TOX: variants seen among roughly 807,000 people sequenced by gnomAD.
The protein encoded by TOX is thymocyte selection-associated high mobility group box protein TOX.
TOX carries 11 observed loss-of-function variants against 53.7 expected under a neutral mutation model. That is an observed-to-expected ratio of 0.20 (90% CI 0.13 to 0.34). The LOEUF is 0.34. TOX is among the 10% of genes least tolerant of loss of function. The pLI, the probability that TOX is intolerant of heterozygous loss-of-function variation, is 1.00. For synonymous variants in TOX, 225 were observed against 245.3 expected, an observed-to-expected ratio of 0.92 and a Z score of 0.77; for missense variants, 570 against 664.6, an observed-to-expected ratio of 0.86 and a Z score of 1.56.
intron 3 of TOX, among the ~76,000 whole-genome samples, chr8:58,869,335 T>A (rs2129169824): frequency 6.6e-6 from 1 of 151,910 alleles, no homozygotes; most frequent in East Asian, 1.9e-4. Context: ...CAACAACTAC[T>A]AAAACTCATA....
At chr8:58,884,092 A>C (rs1322417217) in intron 3 of TOX, among the ~76,000 whole-genome samples, 1 of 152,188 alleles carries the variant, frequency 6.6e-6, no homozygotes, top group East Asian at 1.9e-4. Context: ...AGCAGAAAGA[A>C]AGAAAACACC....
rs67045037 is a variant in TOX at position 58,965,894 on chromosome 8, G to GTTTTTTTTTTT, written c.103-5897_103-5887dup. Among the ~76,000 whole-genome samples, 22 of 49,628 alleles carry GTTTTTTTTTTT rather than the reference G, an allele frequency of 4.4e-4. 7 individuals carry two copies. Among genetic ancestry groups the GTTTTTTTTTTT allele is most frequent in the African/African-American group, 1.1e-3 (15 of 13,052 alleles). 32.6% of individuals were successfully genotyped at this position (49,628 alleles called of 152,430 possible). A position where few individuals can be genotyped will look rare whatever the true frequency, so the allele number is the denominator to read the frequency against. ...GCCCAGTATAAGATTACGAGTCATCGTTTTTTTTTTTTTTTTTTTTTTTTT... is the reference window on the plus strand; with the variant it reads ...GCCCAGTATAAGATTACGAGTCATCGTTTTTTTTTTTTTTTTTTTTTTTTTTTTTTTTTTTT... On this transcript the variant is annotated intron_variant, in intron 1 of 8. Coordinates refer to ENST00000361421, the MANE Select transcript of TOX (RefSeq NM_014729.3).
intron 1 of TOX, among the ~76,000 whole-genome samples, chr8:58,966,355 C>G (rs1812899542): frequency 6.6e-6 from 1 of 152,198 alleles, no homozygotes; most frequent in Non-Finnish European, 1.5e-5. Context: ...AGTTACTCTG[C>G]TAGTGCTTTT....
chr8:58,826,609 A>C (rs1377248345), intron 6 of TOX, among the ~76,000 whole-genome samples: 1 of 152,212 alleles, frequency 6.6e-6, no homozygotes, highest in African/African-American at 2.4e-5. Context: ...CAGGTGGACA[A>C]TATTTTAGAA....
chr8:59,075,961 C>T (rs572979192), intron 1 of TOX, among the ~76,000 whole-genome samples: 160 of 150,408 alleles, frequency 1.1e-3, no homozygotes, highest in Middle Eastern at 6.9e-3. Flanking sequence ...GCCCAGATCG[C>T]GCCATTGCAC....
chr8:59,025,390 T>G (rs980471445), intron 1 of TOX, among the ~76,000 whole-genome samples: 1 of 152,240 alleles, frequency 6.6e-6, no homozygotes, highest in East Asian at 1.9e-4. Context: ...GTACATCCAA[T>G]ATGAGACTGA....
chr8:59,116,724 A>T (rs1052609556), intron 1 of TOX, among the ~76,000 whole-genome samples: 19 of 152,294 alleles, frequency 1.2e-4, no homozygotes, highest in Non-Finnish European at 2.1e-4. Context: ...TTTGGATTTT[A>T]AAAAATCTAT....
intron 1 of TOX, among the ~76,000 whole-genome samples, chr8:59,046,579 C>T (rs1038790139): frequency 1.3e-5 from 2 of 151,984 alleles, no homozygotes; most frequent in African/African-American, 2.4e-5. Flanking sequence ...CACTCTAGGC[C>T]GGGGGTGGTG....
rs1383065008 is a variant in TOX at position 58,806,695 on chromosome 8, AAAT to A, written c.*1049_*1051del. On this transcript the variant is annotated 3_prime_UTR_variant, in exon 9 of 9. Transcript: ENST00000361421. Reference sequence around the variant, plus strand: ...CTTTATTCATGTTACTGTAAAAACTAAATAATAAAGTATTCACACCAAGCGTGA... The same window carrying A: ...CTTTATTCATGTTACTGTAAAAACTAAATAAAGTATTCACACCAAGCGTGA... The A allele has an allele frequency of 1.3e-5, 2 of 152,674 alleles. No homozygotes were observed. The highest frequency in any genetic ancestry group is 1.3e-4 in the Admixed American group (2 of 15,286). The allele number at this position is 152,674 out of a possible 1,614,324, so 9.5% of individuals were successfully genotyped here. A position where few individuals can be genotyped will look rare whatever the true frequency, so the allele number is the denominator to read the frequency against.
rs146440452 is a variant in TOX at position 58,896,400 on chromosome 8, C to T, written c.411+42902G>A. ...CACAACATTAAAAAAAATCCTGGCC[C>T]GGTGCAGTGGCTCACGCCTGTAATC... On this transcript the variant is annotated intron_variant, in intron 3 of 8. Coordinates refer to ENST00000361421, the MANE Select transcript of TOX (RefSeq NM_014729.3). 2.8e-3 allele frequency among the ~76,000 whole-genome samples: 427 copies of T among 152,148 alleles called. 2 individuals are homozygous for T. The highest frequency in any genetic ancestry group is 8.1e-3 in the African/African-American group (336 of 41,518).
At position 59,065,518 on chromosome 8, in the gene TOX, G is replaced by A. The variant is rs2129422224; in HGVS notation, c.102+53368C>T. Among the ~76,000 whole-genome samples the A allele has an allele frequency of 2.0e-5, 3 of 152,230 alleles. No individual in the cohort carries two copies. The South Asian group carries it at 6.2e-4, about 32-fold the overall frequency. Reference sequence around the variant, plus strand: ...TTATTACTTGCATATTCGAATTTAAGATTATTGGCTTATGTGAGATTAAAG... The same window carrying A: ...TTATTACTTGCATATTCGAATTTAAAATTATTGGCTTATGTGAGATTAAAG... On this transcript the variant is annotated intron_variant, in intron 1 of 8. Transcript: ENST00000361421.
intron 3 of TOX, among the ~76,000 whole-genome samples, chr8:58,923,228 C>G (rs1812101830): frequency 6.6e-6 from 1 of 152,024 alleles, no homozygotes; most frequent in African/African-American, 2.4e-5. Flanking sequence ...GGAGGCGAGG[C>G]CAGTTAGGAT....
chr8:58,811,628 C>T (rs1810077622), intron 7 of TOX, among the ~76,000 whole-genome samples: 1 of 152,158 alleles, frequency 6.6e-6, no homozygotes, highest in East Asian at 1.9e-4. Context: ...TTTTTTAAAC[C>T]TTTAAATTAC....
At chr8:59,001,036 C>T (rs527937266) in intron 1 of TOX, among the ~76,000 whole-genome samples, 8 of 152,154 alleles carry the variant, frequency 5.3e-5, no homozygotes, top group East Asian at 1.9e-4. Context: ...TGATAGCAAG[C>T]TTAGAACAAT....
intron 3 of TOX, among the ~76,000 whole-genome samples, chr8:58,890,758 T>A (rs925378963): frequency 1.3e-5 from 2 of 152,064 alleles, no homozygotes; most frequent in Non-Finnish European, 2.9e-5. Flanking sequence ...TCACCAAGCA[T>A]TTGAAGTCAT....
At chr8:58,931,188 C>T (rs1812247809) in intron 3 of TOX, among the ~76,000 whole-genome samples, 1 of 152,098 alleles carries the variant, frequency 6.6e-6, no homozygotes, top group South Asian at 2.1e-4. Context: ...TATCAGCAAT[C>T]AATGATGCTA....
chr8:58,914,725 T>C lies in TOX; in HGVS notation c.411+24577A>G, dbSNP rs112436255. On this transcript the variant is annotated intron_variant, in intron 3 of 8. Coordinates refer to ENST00000361421, the MANE Select transcript of TOX (RefSeq NM_014729.3). Reference sequence around the variant, plus strand: ...CAAGATGGCCGAATAGGAACAGCTCTGGTCTACAGCTCCCAGCGTGAGCGA... The same window carrying C: ...CAAGATGGCCGAATAGGAACAGCTCCGGTCTACAGCTCCCAGCGTGAGCGA... Among the ~76,000 whole-genome samples the C allele has an allele frequency of 6.3e-3, 962 of 152,194 alleles. 13 individuals are homozygous for C. Among genetic ancestry groups the C allele is most frequent in the African/African-American group, 0.022 (921 of 41,556 alleles).
At chr8:59,013,653 C>A (rs1813955653) in intron 1 of TOX, among the ~76,000 whole-genome samples, 1 of 152,214 alleles carries the variant, frequency 6.6e-6, no homozygotes, top group Non-Finnish European at 1.5e-5. Context: ...TCGTGATCCG[C>A]CCGCTCCGGC....
chr8:59,096,967 A>G (rs893643957), intron 1 of TOX, among the ~76,000 whole-genome samples: 5 of 152,178 alleles, frequency 3.3e-5, no homozygotes, highest in Admixed American at 1.3e-4. Flanking sequence ...ATCTAAGTGC[A>G]TTGCTGGAAA....
Sources: allele counts gnomAD v4.1 joint callset (sites outside exome capture counted in the v4.1 genomes callset), GRCh38; gene constraint gnomAD v4.1.1; transcripts MANE v1.5; gene names NCBI Gene and HGNC (gene_info 2026-07-23, HGNC 2026-07-21).